LPGAT1: variants seen among roughly 807,000 people sequenced by gnomAD.
The protein encoded by LPGAT1 is lysophosphatidylglycerol acyltransferase 1.
Under a neutral mutation model 47.5 loss-of-function variants are expected in LPGAT1, and 11 were observed. That is an observed-to-expected ratio of 0.23 (90% CI 0.15 to 0.38). The LOEUF is 0.38. Among genes scored for constraint, LPGAT1 ranks in the 10% least tolerant of loss-of-function variants. The probability of loss-of-function intolerance (pLI) is 1.00; values close to 1 mark genes in which losing one functional copy is unlikely to be tolerated. For missense variants in LPGAT1, 293 were observed against 439.0 expected, an observed-to-expected ratio of 0.67 and a Z score of 2.97; for synonymous variants, 138 against 144.2, an observed-to-expected ratio of 0.96 and a Z score of 0.31.
chr1:211,762,079 AT>A (rs1657722648), intron 6 of LPGAT1, among the ~76,000 whole-genome samples: 1 of 152,240 alleles, frequency 6.6e-6, no homozygotes, highest in African/African-American at 2.4e-5. Context: ...TATAAGATTA[AT>A]TTAGCTTCTG....
chr1:211,777,009 C>A (rs1433366178), intron 6 of LPGAT1, among the ~76,000 whole-genome samples: 3 of 145,180 alleles, frequency 2.1e-5, no homozygotes, highest in Non-Finnish European at 4.4e-5. Flanking sequence ...AATGTGATTT[C>A]TAATGCTGCA....
intron 2 of LPGAT1, among the ~76,000 whole-genome samples, chr1:211,805,263 G>C (rs182561080): frequency 1.3e-5 from 2 of 152,222 alleles, no homozygotes; most frequent in East Asian, 3.9e-4. Flanking sequence ...CACTACAAAC[G>C]TTCCTTGATT....
intron 5 of LPGAT1, among the ~76,000 whole-genome samples, chr1:211,780,678 C>G (rs4951427): frequency 0.98 from 148,555 of 152,318 alleles, 72,457 homozygotes; most frequent in East Asian, 1. Flanking sequence ...ATTGCTAAAT[C>G]AATGGAGTTT....
Position 211,751,010 on chromosome 1 carries a change from A to C in LPGAT1, c.912T>G (p.Tyr304Ter). The C allele has an allele frequency of 6.2e-7, 1 of 1,613,972 alleles. No homozygotes were observed. The highest frequency in any genetic ancestry group is 8.5e-7 in the Non-Finnish European group (1 of 1,179,854). ...LETDDLTTWL[Y>*]QRFVEKEDLL... ...GGTCTTCTTTTTCAACAAACCGCTGATAGAGCCAAGTGGTAAGGTCATCAG... is the reference window on the plus strand; with the variant it reads ...GGTCTTCTTTTTCAACAAACCGCTGCTAGAGCCAAGTGGTAAGGTCATCAG... The change falls in exon 7 of 8, where the codon TAT (tyrosine) becomes TAG (stop). Residue 304 changes from tyrosine (Y) to a stop codon, truncating the protein, a stop_gained. Transcript: ENST00000366997. LOFTEE classifies it high-confidence loss of function.
rs1267495859 is a variant in LPGAT1, at chr1:211,746,276, G to A, written c.*3623C>T. 6.6e-6 allele frequency: 1 copy of A among 152,570 alleles called. No homozygotes were observed. The highest frequency in any genetic ancestry group is 2.4e-5 in the African/African-American group (1 of 41,428). The allele number at this position is 152,570 out of a possible 1,614,324, so 9.5% of individuals were successfully genotyped here. On this transcript the variant is annotated 3_prime_UTR_variant, in exon 8 of 8. Transcript: ENST00000366997. Reference sequence around the variant, plus strand: ...GAATAATGTTCCCAGGTTTACATTTGGTGATTTCAGATTTCATTTTCATAA... The same window carrying A: ...GAATAATGTTCCCAGGTTTACATTTAGTGATTTCAGATTTCATTTTCATAA...
rs989680012 is a variant in LPGAT1, at chr1:211,829,541, G to A, written c.-27-218C>T. 7.2e-6 allele frequency: 10 copies of A among 1,396,122 alleles called. No homozygotes were observed. In the African/African-American group the frequency reaches 1.3e-4, roughly 18 times the overall value. The allele number at this position is 1,396,122 out of a possible 1,614,324, so 86.5% of individuals were successfully genotyped here. ...TCAAGGGAGCTGTTCACCGAGGCAC[G>A]AAGTATGTCACAATATATTTAGCAA... On this transcript the variant is annotated intron_variant, in intron 1 of 7. Coordinates refer to ENST00000366997, the MANE Select transcript of LPGAT1 (RefSeq NM_014873.3).
Position 211,830,002 on chromosome 1 carries a change from T to TA in LPGAT1, c.-28+570dup. On this transcript the variant is annotated intron_variant, in intron 1 of 7. Transcript: ENST00000366997. The surrounding 1 kb of genome is among the most constrained non-coding windows in gnomAD (Gnocchi z 5.9). ...GAAGGGAGCAAAAGCCAGAAAGAGG[T>TA]AAAAGCCAAGGAACTGGGGATGAAG... 1.0e-6 allele frequency: 1 copy of TA among 984,186 alleles called. No individual in the cohort carries two copies. Among genetic ancestry groups the TA allele is most frequent in the Non-Finnish European group, 1.2e-6 (1 of 829,998 alleles). 61.0% of individuals were successfully genotyped at this position (984,186 alleles called of 1,614,324 possible).
intron 6 of LPGAT1, among the ~76,000 whole-genome samples, chr1:211,760,695 G>T (rs1465711996): frequency 6.6e-6 from 1 of 152,160 alleles, no homozygotes; most frequent in Admixed American, 6.5e-5. Context: ...TAAAATTGAT[G>T]ACCTCTGAAC....
intron 2 of LPGAT1, among the ~76,000 whole-genome samples, chr1:211,820,215 C>T (rs564952283): frequency 6.6e-6 from 1 of 152,124 alleles, no homozygotes; most frequent in South Asian, 2.1e-4. Flanking sequence ...TGGAAATCTA[C>T]CCTGGCCCCA....
chr1:211,794,701 G>A (rs1300873613), intron 2 of LPGAT1, among the ~76,000 whole-genome samples: 1 of 152,098 alleles, frequency 6.6e-6, no homozygotes, highest in Non-Finnish European at 1.5e-5. Flanking sequence ...AATTATCAAA[G>A]GCCAATTCTA....
intron 6 of LPGAT1, among the ~76,000 whole-genome samples, chr1:211,762,289 T>C (rs945617714): frequency 3.3e-5 from 5 of 152,214 alleles, no homozygotes; most frequent in East Asian, 1.9e-4. Context: ...GGTTTACCAG[T>C]TGAATTCACA....
intron 2 of LPGAT1, among the ~76,000 whole-genome samples, chr1:211,799,818 A>G (rs749074694): frequency 3.9e-5 from 6 of 152,182 alleles, no homozygotes; most frequent in Non-Finnish European, 8.8e-5. Context: ...TCTTAAATAT[A>G]ATATGCTCAA....
chr1:211,816,073 G>A (rs940907544), intron 2 of LPGAT1, among the ~76,000 whole-genome samples: 14 of 151,974 alleles, frequency 9.2e-5, no homozygotes, highest in African/African-American at 7.3e-5. Flanking sequence ...GAGCCACTGC[G>A]CCTGGCTTTT....
rs1230818760 is a variant in LPGAT1 at position 211,773,734 on chromosome 1, C to CAGCA, written c.854+5180_854+5183dup. Among the ~76,000 whole-genome samples, 4 of 152,156 alleles carry CAGCA rather than the reference C, an allele frequency of 2.6e-5. No homozygotes were observed. In the East Asian group the frequency reaches 7.7e-4, roughly 29 times the overall value. ...TTTAATTTTCCTATTAACCACTGAA[C>CAGCA]AGCAGTGCACTGTGCCCACTACTTG... On this transcript the variant is annotated intron_variant, in intron 6 of 7. Transcript: ENST00000366997.
At chr1:211,790,179 C>A (rs1659052627) in intron 3 of LPGAT1, among the ~76,000 whole-genome samples, 1 of 152,036 alleles carries the variant, frequency 6.6e-6, no homozygotes, top group South Asian at 2.1e-4. Flanking sequence ...ATGGAAACTG[C>A]AGGATAATTT....
rs988143840 is a variant in LPGAT1 at position 211,806,118 on chromosome 1, T to C, written c.239-12928A>G. On this transcript the variant is annotated intron_variant, in intron 2 of 7. Transcript: ENST00000366997. ...CTACTAAAAATACAAAAATTAGCCA[T>C]GTGTGGTGGCACACGCCTGTAGTCC... Among the ~76,000 whole-genome samples, 5 of 151,814 alleles carry C rather than the reference T, an allele frequency of 3.3e-5. No individual in the cohort carries two copies. In the South Asian group the frequency reaches 1.0e-3, roughly 31 times the overall value.
Position 211,767,361 on chromosome 1 carries a change from C to T in LPGAT1, c.854+11557G>A, listed in dbSNP as rs557702071. Among the ~76,000 whole-genome samples, 4 of 152,248 alleles carry T rather than the reference C, an allele frequency of 2.6e-5. No individual in the cohort carries two copies. The East Asian group carries it at 7.7e-4, about 29-fold the overall frequency. On this transcript the variant is annotated intron_variant, in intron 6 of 7. Coordinates refer to ENST00000366997, the MANE Select transcript of LPGAT1 (RefSeq NM_014873.3). ...ATGTTGGCCAGGCTGATCTCGAACT[C>T]CTGACCTCAAGTGATCCATTCACCT...
chr1:211,816,530 C>T (rs765830089), intron 2 of LPGAT1, among the ~76,000 whole-genome samples: 2 of 152,132 alleles, frequency 1.3e-5, no homozygotes, highest in Admixed American at 6.5e-5. Flanking sequence ...AGCAAGAACT[C>T]GATTGAGCTA....
intron 5 of LPGAT1, among the ~76,000 whole-genome samples, chr1:211,780,957 A>T (rs565727914): frequency 6.6e-6 from 1 of 152,218 alleles, no homozygotes; most frequent in African/African-American, 2.4e-5. Context: ...ATATCTGTTA[A>T]ATCATGTGAT....
Sources: allele counts gnomAD v4.1 joint callset (sites outside exome capture counted in the v4.1 genomes callset), GRCh38; gene constraint gnomAD v4.1.1; non-coding constraint Gnocchi (gnomAD v3.1); transcripts MANE v1.5; gene names NCBI Gene and HGNC (gene_info 2026-07-23, HGNC 2026-07-21).